RIMS2: variants seen among roughly 807,000 people sequenced by gnomAD.
RIMS2 encodes regulating synaptic membrane exocytosis 2.
RIMS2 carries 59 observed loss-of-function variants against 174.4 expected under a neutral mutation model. The observed-to-expected ratio is 0.34, with a 90% CI of 0.27 to 0.42. The LOEUF (loss-of-function observed/expected upper bound fraction) is 0.42, where lower values mean the gene tolerates loss of function less well. Among genes scored for constraint, RIMS2 ranks in the 10% least tolerant of loss-of-function variants. The pLI is 1.00. For synonymous variants in RIMS2, 606 were observed against 572.5 expected (o/e 1.06, Z -0.84); for missense variants, 1,620 against 1,666.3 (o/e 0.97, Z 0.48).
intron 1 of RIMS2, among the ~76,000 whole-genome samples, chr8:103,543,701 A>G (rs1843584405): frequency 6.6e-6 from 1 of 152,244 alleles, no homozygotes; most frequent in Non-Finnish European, 1.5e-5. Context: ...AGGCATTTCT[A>G]GTCAATTGAT....
intron 19 of RIMS2, among the ~76,000 whole-genome samples, chr8:104,022,347 G>A (rs1225191780): frequency 6.6e-6 from 1 of 151,932 alleles, no homozygotes; most frequent in Non-Finnish European, 1.5e-5. Flanking sequence ...TTGGAGATTA[G>A]AAGCAAGATG....
intron 17 of RIMS2, among the ~76,000 whole-genome samples, chr8:104,004,006 CCA>C (rs1251337633): frequency 6.6e-6 from 1 of 151,842 alleles, no homozygotes; most frequent in African/African-American, 2.4e-5. Context: ...TGAAAAATTC[CCA>C]GTCTTATATC....
chr8:103,739,679 T>C (rs1387378212), intron 2 of RIMS2, among the ~76,000 whole-genome samples: 1 of 152,208 alleles, frequency 6.6e-6, no homozygotes, highest in Admixed American at 6.5e-5. Flanking sequence ...GATCCAGTCA[T>C]TTGAAATTAA....
intron 1 of RIMS2, among the ~76,000 whole-genome samples, chr8:103,663,885 AC>A (rs775172611): frequency 9.8e-5 from 15 of 152,336 alleles, no homozygotes; most frequent in Admixed American, 2.0e-4. Context: ...TTCAAAGTAT[AC>A]TACAAGGCTA....
intron 19 of RIMS2, among the ~76,000 whole-genome samples, chr8:104,043,415 A>T (rs2096642400): frequency 2.0e-5 from 3 of 151,638 alleles, no homozygotes; most frequent in Admixed American, 1.3e-4. Context: ...GGATGTAGTA[A>T]TTAATCATTT....
intron 19 of RIMS2, among the ~76,000 whole-genome samples, chr8:104,110,117 C>T (rs997462368): frequency 1.2e-4 from 18 of 152,084 alleles, no homozygotes; most frequent in African/African-American, 3.9e-4. Context: ...ATTGGTAAAG[C>T]ATTTTATAAG....
chr8:103,796,950 T>C (rs1055144084), intron 3 of RIMS2, among the ~76,000 whole-genome samples: 1 of 152,068 alleles, frequency 6.6e-6, no homozygotes, highest in Non-Finnish European at 1.5e-5. Flanking sequence ...TGGAGGAAGA[T>C]AGTATAATAA....
intron 10 of RIMS2, among the ~76,000 whole-genome samples, chr8:103,927,142 C>T (rs1389627454): frequency 1.3e-5 from 2 of 151,336 alleles, no homozygotes; most frequent in East Asian, 3.9e-4. Context: ...CAAAAAGAAA[C>T]AAGATATTGT....
intron 19 of RIMS2, among the ~76,000 whole-genome samples, chr8:104,211,785 A>G (rs2099106542): frequency 6.6e-6 from 1 of 152,192 alleles, no homozygotes. Context: ...AAGTGCTAGG[A>G]TTACAGGCGT....
chr8:103,577,173 C>A (rs1185991753), intron 1 of RIMS2, among the ~76,000 whole-genome samples: 2 of 152,050 alleles, frequency 1.3e-5, no homozygotes, highest in Non-Finnish European at 2.9e-5. Context: ...TGCAATATAT[C>A]CATCTGACAA....
chr8:104,069,313 C>T (rs972190061), intron 19 of RIMS2, among the ~76,000 whole-genome samples: 8 of 151,996 alleles, frequency 5.3e-5, no homozygotes, highest in African/African-American at 1.5e-4. Context: ...GACATAAGCC[C>T]GTCATGAAGC....
At chr8:103,504,138 A>G (rs1352393527) in intron 1 of RIMS2, among the ~76,000 whole-genome samples, 1 of 152,096 alleles carries the variant, frequency 6.6e-6, no homozygotes, top group East Asian at 1.9e-4. Flanking sequence ...TCAATTTATC[A>G]GTAAAATTTA....
chr8:103,827,599 G>A (rs2098799343), intron 3 of RIMS2, among the ~76,000 whole-genome samples: 1 of 152,206 alleles, frequency 6.6e-6, no homozygotes, highest in Non-Finnish European at 1.5e-5. Flanking sequence ...CACTTTGAGA[G>A]GCTGAGGCAG....
chr8:103,930,888 A>G (rs917862827), intron 11 of RIMS2, among the ~76,000 whole-genome samples: 1 of 152,126 alleles, frequency 6.6e-6, no homozygotes, highest in Non-Finnish European at 1.5e-5. Context: ...CATTTTGAGC[A>G]CTTATTCTGA....
intron 1 of RIMS2, among the ~76,000 whole-genome samples, chr8:103,618,125 G>A (rs1348251519): frequency 6.6e-6 from 1 of 152,062 alleles, no homozygotes; most frequent in Non-Finnish European, 1.5e-5. Flanking sequence ...AAGAAAATGT[G>A]GTACACATAC....
intron 1 of RIMS2, among the ~76,000 whole-genome samples, chr8:103,611,533 AT>A (rs71575975): frequency 1.4e-3 from 209 of 145,892 alleles, no homozygotes; most frequent in Middle Eastern, 7.1e-3. Flanking sequence ...GTTGGGAGGA[AT>A]TTTTTTTTTT....
rs1459682410 is a variant in RIMS2 at position 103,623,972 on chromosome 8, C to G, written c.177-73114C>G. On this transcript the variant is annotated intron_variant, in intron 1 of 23. Coordinates refer to ENST00000504942, the Ensembl canonical transcript of RIMS2. The stretch of plus-strand genomic sequence containing the variant: ...AGAAATTTAAGAGGGAAAAAATGGT[C>G]AATTAAATCCAGAATAGACTAAGTT... Among the ~76,000 whole-genome samples, 3 of 152,144 alleles carry G rather than the reference C, an allele frequency of 2.0e-5. No individual in the cohort carries two copies. In the East Asian group the frequency reaches 5.8e-4, roughly 29 times the overall value.
At chr8:103,954,781 G>GA (rs1040542002) in intron 14 of RIMS2, among the ~76,000 whole-genome samples, 2 of 151,874 alleles carry the variant, frequency 1.3e-5, no homozygotes, top group Non-Finnish European at 2.9e-5. Flanking sequence ...ACAGAGACAC[G>GA]AAAAAACATT....
intron 19 of RIMS2, among the ~76,000 whole-genome samples, chr8:104,143,001 G>A (rs2098598448): frequency 6.6e-6 from 1 of 152,138 alleles, no homozygotes; most frequent in Non-Finnish European, 1.5e-5. Context: ...TTCAAAGAGA[G>A]GTTTTCATTT....
Sources: allele counts gnomAD v4.1 joint callset (sites outside exome capture counted in the v4.1 genomes callset), GRCh38; gene constraint gnomAD v4.1.1; transcripts MANE v1.5; gene names NCBI Gene and HGNC (gene_info 2026-07-23, HGNC 2026-07-21).